CDH12: variants seen among roughly 807,000 people sequenced by gnomAD.
The protein encoded by CDH12 is cadherin-12.
Under a neutral mutation model 74.1 loss-of-function variants are expected in CDH12, and 41 were observed. That is an observed-to-expected ratio of 0.55 (90% CI 0.43 to 0.72). The LOEUF (loss-of-function observed/expected upper bound fraction) is 0.72. Among genes scored for constraint, CDH12 ranks in the 30% least tolerant of loss-of-function variants. The pLI, the probability that CDH12 is intolerant of heterozygous loss-of-function variation, is 0.00. For missense variants in CDH12, 945 were observed against 977.2 expected, an observed-to-expected ratio of 0.97 and a Z score of 0.44; for synonymous variants, 399 against 355.0, an observed-to-expected ratio of 1.12 and a Z score of -1.39.
chr5:22,731,923 G>C (rs968780934), intron 1 of CDH12, among the ~76,000 whole-genome samples: 6 of 151,726 alleles, frequency 4.0e-5, no homozygotes, highest in African/African-American at 1.2e-4. Context: ...CTAAATTAAA[G>C]GGAAGCCAAG....
At chr5:22,551,701 T>C (rs561206199) in intron 1 of CDH12, among the ~76,000 whole-genome samples, 91 of 151,836 alleles carry the variant, frequency 6.0e-4, no homozygotes, top group African/African-American at 2.1e-3. Context: ...TAAATGCCTA[T>C]GGAAAAAAGA....
At chr5:22,344,882 AT>A (rs1298079824) in intron 3 of CDH12, among the ~76,000 whole-genome samples, 1 of 152,180 alleles carries the variant, frequency 6.6e-6, no homozygotes, top group Non-Finnish European at 1.5e-5. Flanking sequence ...GTCTGTGAGT[AT>A]CACCCAAATT....
chr5:22,118,133 T>G (rs1027800607), intron 4 of CDH12, among the ~76,000 whole-genome samples: 2 of 152,200 alleles, frequency 1.3e-5, no homozygotes, highest in Non-Finnish European at 2.9e-5. Context: ...TTATTATATC[T>G]GCTTAGATAC....
At chr5:21,949,969 C>T (rs2150099485) in intron 6 of CDH12, among the ~76,000 whole-genome samples, 1 of 152,262 alleles carries the variant, frequency 6.6e-6, no homozygotes, top group East Asian at 1.9e-4. Context: ...GGCATTTACG[C>T]TCACTCACCA....
rs551875105 is a variant in CDH12 at position 22,420,003 on chromosome 5, G to T, written c.-427-14652C>A. ...CCATATTTTAATGGGGTTTTTTTTT[G>T]TTTGTTTGTTTGTTTTGGTGTGTGT... On this transcript the variant is annotated intron_variant, in intron 2 of 14. Transcript: ENST00000382254. 7.2e-3 allele frequency among the ~76,000 whole-genome samples: 1,074 copies of T among 149,818 alleles called. 12 individuals are homozygous for T. Among genetic ancestry groups the T allele is most frequent in the African/African-American group, 0.025 (1,010 of 40,876 alleles).
At chr5:22,281,180 A>G (rs1214332931) in intron 3 of CDH12, among the ~76,000 whole-genome samples, 1 of 152,220 alleles carries the variant, frequency 6.6e-6, no homozygotes, top group Non-Finnish European at 1.5e-5. Flanking sequence ...ACAGCCCTTC[A>G]TGCTAAAAAC....
At chr5:22,224,616 C>A (rs971683949) in intron 3 of CDH12, among the ~76,000 whole-genome samples, 2 of 151,986 alleles carry the variant, frequency 1.3e-5, no homozygotes, top group African/African-American at 4.8e-5. Flanking sequence ...TAACATCTTT[C>A]TTTGTGAGTC....
intron 6 of CDH12, among the ~76,000 whole-genome samples, chr5:21,896,208 A>G (rs1268596220): frequency 6.6e-6 from 1 of 152,202 alleles, no homozygotes; most frequent in Non-Finnish European, 1.5e-5. Flanking sequence ...AGAGTCACCG[A>G]TGGAGAGTGA....
chr5:22,325,291 G>A (rs924116171), intron 3 of CDH12, among the ~76,000 whole-genome samples: 1 of 151,968 alleles, frequency 6.6e-6, no homozygotes, highest in Non-Finnish European at 1.5e-5. Flanking sequence ...ACAAGTTATA[G>A]TACTAAACCT....
At chr5:22,476,208 G>A (rs1746162793) in intron 2 of CDH12, among the ~76,000 whole-genome samples, 1 of 151,930 alleles carries the variant, frequency 6.6e-6, no homozygotes, top group Admixed American at 6.6e-5. Flanking sequence ...ATTAATTTCA[G>A]TATAATTCTA....
At chr5:22,373,427 C>G (rs1177455200) in intron 3 of CDH12, among the ~76,000 whole-genome samples, 1 of 152,180 alleles carries the variant, frequency 6.6e-6, no homozygotes, top group Non-Finnish European at 1.5e-5. Flanking sequence ...TCTCACATGC[C>G]CAGCTCACTG....
intron 1 of CDH12, among the ~76,000 whole-genome samples, chr5:22,527,861 C>A (rs1455677832): frequency 6.6e-6 from 1 of 152,086 alleles, no homozygotes; most frequent in Non-Finnish European, 1.5e-5. Context: ...CAAATAGAGC[C>A]TTTTTGAACT....
chr5:21,760,806 A>G, intron 12 of CDH12, 131 bp from the exon 13 acceptor site: 1 of 670,164 alleles, frequency 1.5e-6, no homozygotes, highest in Non-Finnish European at 2.7e-6. Context: ...CCAGTAGGTC[A>G]ATTATTTACA....
intron 3 of CDH12, among the ~76,000 whole-genome samples, chr5:22,236,081 G>A (rs1752549936): frequency 6.6e-6 from 1 of 151,902 alleles, no homozygotes; most frequent in Non-Finnish European, 1.5e-5. Flanking sequence ...ATACCTGTCT[G>A]CGGCACTTAT....
chr5:22,414,716 T>C (rs1743308159), intron 2 of CDH12, among the ~76,000 whole-genome samples: 1 of 151,898 alleles, frequency 6.6e-6, no homozygotes, highest in Non-Finnish European at 1.5e-5. Context: ...ATATTATTAG[T>C]TATAGTTTCA....
At chr5:21,884,309 C>G (rs567912799) in intron 6 of CDH12, 2 of 1,334,450 alleles carry the variant, frequency 1.5e-6, no homozygotes, top group Non-Finnish European at 2.2e-6. Flanking sequence ...GTGGCATGTT[C>G]TAACTCCTAG....
At chr5:22,371,569 C>G (rs1043318262) in intron 3 of CDH12, among the ~76,000 whole-genome samples, 1 of 152,068 alleles carries the variant, frequency 6.6e-6, no homozygotes, top group African/African-American at 2.4e-5. Flanking sequence ...TATTTTTTAA[C>G]CAACCACTCT....
chr5:22,552,309 A>G (rs532158356), intron 1 of CDH12, among the ~76,000 whole-genome samples: 1 of 152,254 alleles, frequency 6.6e-6, no homozygotes, highest in African/African-American at 2.4e-5. Flanking sequence ...ACAAACAAAC[A>G]TATCATCATG....
At chr5:21,954,698 G>T (rs1033501017) in intron 6 of CDH12, among the ~76,000 whole-genome samples, 17 of 152,032 alleles carry the variant, frequency 1.1e-4, no homozygotes, top group Non-Finnish European at 2.4e-4. Flanking sequence ...CCTGTCATCT[G>T]TCTGCTTTTT....
Sources: gnomAD v4.1 joint callset for allele counts (sites outside exome capture counted in the v4.1 genomes callset) on GRCh38, gnomAD v4.1.1 for gene constraint, MANE v1.5 for transcripts, NCBI Gene and HGNC (gene_info 2026-07-23, HGNC 2026-07-21) for gene names.